Variants in CCDC6 observed in about 807,000 individuals in gnomAD.
The protein encoded by CCDC6 is coiled-coil domain-containing protein 6.
A neutral mutation model predicts 56.6 loss-of-function variants in CCDC6; 20 were observed. That is an observed-to-expected ratio of 0.35 (90% CI 0.25 to 0.51). The LOEUF is 0.51. Among genes scored for constraint, CCDC6 ranks in the 20% least tolerant of loss-of-function variants. CCDC6 has a pLI of 0.95. For missense variants in CCDC6, 367 were observed against 601.1 expected, an observed-to-expected ratio of 0.61 and a Z score of 4.07; for synonymous variants, 241 against 234.4, an observed-to-expected ratio of 1.03 and a Z score of -0.26.
At chr10:59,897,285 C>T (rs985352289) in intron 1 of CCDC6, among the ~76,000 whole-genome samples, 6 of 151,580 alleles carry the variant, frequency 4.0e-5, no homozygotes, top group Non-Finnish European at 8.8e-5. Flanking sequence ...TGGAGTTTCA[C>T]TCCTGTTGCC....
chr10:59,827,621 G>T (rs1458434170), intron 3 of CCDC6, among the ~76,000 whole-genome samples: 4 of 152,170 alleles, frequency 2.6e-5, no homozygotes, highest in Non-Finnish European at 5.9e-5. Context: ...AACTACACGG[G>T]CTAAGATATC....
At chr10:59,855,702 C>T (rs1410176364) in intron 1 of CCDC6, among the ~76,000 whole-genome samples, 5 of 152,164 alleles carry the variant, frequency 3.3e-5, no homozygotes, top group Admixed American at 2.0e-4. Context: ...GTACAACCTT[C>T]CCAATATACT....
At chr10:59,797,980 C>CACCT (rs540614498) in intron 7 of CCDC6, among the ~76,000 whole-genome samples, 675 of 152,298 alleles carry the variant, frequency 4.4e-3, no homozygotes, top group Middle Eastern at 0.02. Context: ...AAGCGATCCT[C>CACCT]ACCTACATGT....
At chr10:59,874,275 T>C (rs2071259237) in intron 1 of CCDC6, among the ~76,000 whole-genome samples, 1 of 152,204 alleles carries the variant, frequency 6.6e-6, no homozygotes, top group South Asian at 2.1e-4. Flanking sequence ...AGTTCTAAAA[T>C]GTTTTCTTTG....
intron 1 of CCDC6, among the ~76,000 whole-genome samples, chr10:59,857,991 G>A (rs1439031580): frequency 6.6e-6 from 1 of 152,142 alleles, no homozygotes; most frequent in Admixed American, 6.6e-5. Flanking sequence ...GTGGGAGATG[G>A]TCAGAATTTA....
intron 7 of CCDC6, among the ~76,000 whole-genome samples, chr10:59,797,892 G>C (rs1431771115): frequency 6.6e-6 from 1 of 152,172 alleles, no homozygotes; most frequent in East Asian, 1.9e-4. Flanking sequence ...TCTCCACTGT[G>C]TTTTAACATC....
intron 3 of CCDC6, among the ~76,000 whole-genome samples, chr10:59,818,169 G>A (rs929745598): frequency 1.5e-4 from 23 of 152,244 alleles, no homozygotes; most frequent in Non-Finnish European, 3.1e-4. Context: ...AGCAGAGTTG[G>A]GGGTAGCTGA....
chr10:59,850,608 A>C (rs1396088484), intron 2 of CCDC6, among the ~76,000 whole-genome samples: 1 of 152,214 alleles, frequency 6.6e-6, no homozygotes, highest in Non-Finnish European at 1.5e-5. Context: ...TTTGGAAATA[A>C]CAGTTTATTT....
At chr10:59,795,859 C>T (rs1292314254) in intron 7 of CCDC6, among the ~76,000 whole-genome samples, 1 of 152,106 alleles carries the variant, frequency 6.6e-6, no homozygotes, top group African/African-American at 2.4e-5. Flanking sequence ...GCCACATTTT[C>T]TTAATCCAGT....
chr10:59,903,230 A>C (rs1229945654), intron 1 of CCDC6, among the ~76,000 whole-genome samples: 1 of 152,214 alleles, frequency 6.6e-6, no homozygotes, highest in East Asian at 1.9e-4. Context: ...TGGTGGACAC[A>C]TGTCATTATA....
At chr10:59,886,503 C>G (rs2071384290) in intron 1 of CCDC6, among the ~76,000 whole-genome samples, 1 of 152,212 alleles carries the variant, frequency 6.6e-6, no homozygotes, top group Non-Finnish European at 1.5e-5. Context: ...TCTTCTGAAT[C>G]TGTCTTAAAT....
intron 3 of CCDC6, among the ~76,000 whole-genome samples, chr10:59,825,284 T>C (rs767119755): frequency 6.6e-6 from 1 of 152,236 alleles, no homozygotes; most frequent in Non-Finnish European, 1.5e-5. Flanking sequence ...TGAATAAGTC[T>C]CACGAGATCT....
At chr10:59,852,958 A>G (rs2071051602) in intron 1 of CCDC6, among the ~76,000 whole-genome samples, 1 of 152,214 alleles carries the variant, frequency 6.6e-6, no homozygotes, top group African/African-American at 2.4e-5. Flanking sequence ...TGATATTTCA[A>G]AGAAATTAGC....
At chr10:59,864,815 C>T (rs1374271234) in intron 1 of CCDC6, among the ~76,000 whole-genome samples, 9 of 152,008 alleles carry the variant, frequency 5.9e-5, no homozygotes. Context: ...CAGTATAGAC[C>T]TCCTCAGATG....
At chr10:59,886,246 A>C (rs2071382759) in intron 1 of CCDC6, among the ~76,000 whole-genome samples, 1 of 152,226 alleles carries the variant, frequency 6.6e-6, no homozygotes, top group Non-Finnish European at 1.5e-5. Flanking sequence ...ATTACACTTG[A>C]ATCCATTTAA....
chr10:59,795,360 T>C lies in CCDC6; in HGVS notation c.1106-763A>G, dbSNP rs113685932. Among the ~76,000 whole-genome samples, 905 of 152,232 alleles carry C rather than the reference T, an allele frequency of 5.9e-3. 4 individuals carry two copies. Among genetic ancestry groups the C allele is most frequent in the Middle Eastern group, 0.014 (4 of 294 alleles). ...ATACACAAATGTGCTAATAGATATA[T>C]GAAAAGACGATTATCACCACTAACC... On this transcript the variant is annotated intron_variant, in intron 7 of 8. Transcript: ENST00000263102.
rs2071029087 is a variant in CCDC6, at chr10:59,850,477, C to G, written c.453+2076G>C. Among the ~76,000 whole-genome samples the G allele has an allele frequency of 2.6e-5, 4 of 152,160 alleles. No individual in the cohort carries two copies. In the South Asian group the frequency reaches 8.3e-4, roughly 32 times the overall value. The stretch of plus-strand genomic sequence containing the variant: ...GTTGAATCACCAACAAGCTACAGAC[C>G]CATCTAGAGAACCCCAATGTTTTCA... On this transcript the variant is annotated intron_variant, in intron 2 of 8. Coordinates refer to ENST00000263102, the MANE Select transcript of CCDC6 (RefSeq NM_005436.5).
At chr10:59,821,374 G>A (rs1270622926) in intron 3 of CCDC6, among the ~76,000 whole-genome samples, 1 of 152,202 alleles carries the variant, frequency 6.6e-6, no homozygotes, top group East Asian at 1.9e-4. Flanking sequence ...AGCAATGTCT[G>A]TGTCAGCTGT....
At chr10:59,834,819 A>T (rs947560416) in intron 2 of CCDC6, among the ~76,000 whole-genome samples, 2 of 152,196 alleles carry the variant, frequency 1.3e-5, no homozygotes, top group African/African-American at 4.8e-5. Context: ...ACTAAGACGA[A>T]TGAATAGAGA....
Sources: gnomAD v4.1 joint callset for allele counts (sites outside exome capture counted in the v4.1 genomes callset) on GRCh38, gnomAD v4.1.1 for gene constraint, MANE v1.5 for transcripts, NCBI Gene and HGNC (gene_info 2026-07-23, HGNC 2026-07-21) for gene names.